The following MAML3 variants were observed in gnomAD, a reference collection of about 807,000 sequenced individuals.
The protein encoded by MAML3 is mastermind like transcriptional coactivator 3.
In MAML3, 27 loss-of-function variants were observed where a neutral mutation model predicts 101.9. That is an observed-to-expected ratio of 0.27 (90% confidence interval 0.20 to 0.37). The LOEUF (loss-of-function observed/expected upper bound fraction) is 0.37, where lower values mean the gene tolerates loss of function less well. MAML3 is among the 10% of genes least tolerant of loss of function. The pLI is 1.00. For synonymous variants in MAML3, 501 were observed against 555.9 expected (o/e 0.90, Z 1.39); for missense variants, 1,316 against 1,444.9 (o/e 0.91, Z 1.45).
intron 1 of MAML3, among the ~76,000 whole-genome samples, chr4:140,076,673 T>C (rs182831199): frequency 2.0e-5 from 3 of 152,196 alleles, no homozygotes; most frequent in East Asian, 1.9e-4. Flanking sequence ...CTTTAACACA[T>C]GGGCCTTTGT....
At chr4:139,920,334 G>A (rs1476889353) in intron 1 of MAML3, among the ~76,000 whole-genome samples, 1 of 152,142 alleles carries the variant, frequency 6.6e-6, no homozygotes, top group Admixed American at 6.5e-5. Context: ...CCAAGGACAC[G>A]TGCTTCTTCA....
chr4:139,882,043 A>C (rs1218001829), intron 2 of MAML3, among the ~76,000 whole-genome samples: 1 of 152,180 alleles, frequency 6.6e-6, no homozygotes, highest in Non-Finnish European at 1.5e-5. Context: ...ATTGAAAAGG[A>C]TAAATTAGAG....
intron 1 of MAML3, among the ~76,000 whole-genome samples, chr4:140,147,967 T>C (rs1729094260): frequency 6.6e-6 from 1 of 152,170 alleles, no homozygotes; most frequent in Non-Finnish European, 1.5e-5. Context: ...AAATGCCTTA[T>C]ATTCCTATCT....
chr4:140,106,115 G>GAAAAA (rs59770042), intron 1 of MAML3, among the ~76,000 whole-genome samples: 14 of 90,024 alleles, frequency 1.6e-4, no homozygotes, highest in East Asian at 7.1e-4. Flanking sequence ...CTGACTTCAA[G>GAAAAA]AAAAAAAAAA....
intron 2 of MAML3, among the ~76,000 whole-genome samples, chr4:139,823,018 A>G (rs534550923): frequency 6.6e-6 from 1 of 152,220 alleles, no homozygotes; most frequent in Non-Finnish European, 1.5e-5. Context: ...AAAAAAACAC[A>G]TAGCTTTAAG....
intron 1 of MAML3, among the ~76,000 whole-genome samples, chr4:139,895,981 G>C (rs1205319568): frequency 1.3e-5 from 2 of 152,178 alleles, no homozygotes; most frequent in African/African-American, 2.4e-5. Flanking sequence ...AAGATGCTGT[G>C]CTATAATTTT....
At chr4:139,825,994 G>A (rs1731054505) in intron 2 of MAML3, among the ~76,000 whole-genome samples, 2 of 152,152 alleles carry the variant, frequency 1.3e-5, no homozygotes, top group Admixed American at 6.5e-5. Flanking sequence ...GAGCAGTTTC[G>A]TGTTTCTTGT....
intron 2 of MAML3, among the ~76,000 whole-genome samples, chr4:139,741,354 C>T (rs181505234): frequency 9.9e-5 from 15 of 152,274 alleles, no homozygotes; most frequent in African/African-American, 3.4e-4. Flanking sequence ...CCACAAGAAC[C>T]TTGAGTTTAG....
intron 2 of MAML3, among the ~76,000 whole-genome samples, chr4:139,863,150 C>CAAAAAA (rs34108210): frequency 1.8e-5 from 2 of 114,146 alleles, no homozygotes; most frequent in Admixed American, 9.8e-5. Flanking sequence ...ACTCTGTCTC[C>CAAAAAA]AAAAAAAAAA....
intron 1 of MAML3, among the ~76,000 whole-genome samples, chr4:139,997,711 T>G (rs1435687060): frequency 6.6e-6 from 1 of 152,122 alleles, no homozygotes; most frequent in African/African-American, 2.4e-5. Flanking sequence ...CCTTTAGTAT[T>G]TATTGTAAGA....
At chr4:139,820,996 G>C (rs1730963025) in intron 2 of MAML3, among the ~76,000 whole-genome samples, 1 of 152,148 alleles carries the variant, frequency 6.6e-6, no homozygotes, top group Admixed American at 6.5e-5. Flanking sequence ...GTGTTCCATA[G>C]TAATTTCTCA....
At chr4:139,929,312 A>G (rs1733331647) in intron 1 of MAML3, among the ~76,000 whole-genome samples, 1 of 152,224 alleles carries the variant, frequency 6.6e-6, no homozygotes, top group African/African-American at 2.4e-5. Context: ...ATGGCAATGA[A>G]ATTGAATTTA....
chr4:140,028,395 C>A (rs1196337981), intron 1 of MAML3, among the ~76,000 whole-genome samples: 1 of 152,150 alleles, frequency 6.6e-6, no homozygotes. Context: ...ACTGGATATG[C>A]AGTCTTTACT....
At chr4:139,926,983 G>C (rs1733276196) in intron 1 of MAML3, among the ~76,000 whole-genome samples, 1 of 151,940 alleles carries the variant, frequency 6.6e-6, no homozygotes, top group South Asian at 2.1e-4. Context: ...TGCCTTTCTT[G>C]GCCTTGACAC....
At chr4:139,946,321 T>C (rs771991197) in intron 1 of MAML3, among the ~76,000 whole-genome samples, 7 of 152,178 alleles carry the variant, frequency 4.6e-5, no homozygotes, top group Non-Finnish European at 8.8e-5. Context: ...CTAGGGTGAT[T>C]CTCTCAGATT....
At chr4:139,754,124 C>A (rs1330640068) in intron 2 of MAML3, among the ~76,000 whole-genome samples, 1 of 152,184 alleles carries the variant, frequency 6.6e-6, no homozygotes, top group African/African-American at 2.4e-5. Flanking sequence ...GGCATATGCC[C>A]TATGACTGAA....
chr4:139,995,342 T>A (rs1241815788), intron 1 of MAML3, among the ~76,000 whole-genome samples: 1 of 152,198 alleles, frequency 6.6e-6, no homozygotes, highest in Admixed American at 6.5e-5. Flanking sequence ...ATGAGGACAT[T>A]CTTGTAATAT....
chr4:140,023,687 T>C (rs955551960), intron 1 of MAML3, among the ~76,000 whole-genome samples: 6 of 152,218 alleles, frequency 3.9e-5, no homozygotes, highest in African/African-American at 1.2e-4. Context: ...ATAAACATAA[T>C]TCACCCAAAA....
chr4:139,873,495 C>T (rs1394227136), intron 2 of MAML3, among the ~76,000 whole-genome samples: 2 of 152,204 alleles, frequency 1.3e-5, no homozygotes, highest in Non-Finnish European at 2.9e-5. Flanking sequence ...ATCCCTCTCT[C>T]CTGGAGTGTG....
Sources: allele counts gnomAD v4.1 joint callset (sites outside exome capture counted in the v4.1 genomes callset), GRCh38; gene constraint gnomAD v4.1.1; transcripts MANE v1.5; gene names NCBI Gene and HGNC (gene_info 2026-07-23, HGNC 2026-07-21).